SLC25A24: variants seen among roughly 807,000 people sequenced by gnomAD.
SLC25A24 encodes mitochondrial adenyl nucleotide antiporter SLC25A24.
A neutral mutation model predicts 60.7 loss-of-function variants in SLC25A24; 49 were observed. The ratio of observed to expected loss-of-function variants is 0.81; its 90% CI spans 0.64 to 1.02. SLC25A24 has a LOEUF of 1.02. Ranked by LOEUF, SLC25A24 falls within the 50% of genes least tolerant of loss-of-function variation. SLC25A24 has a pLI of 0.00. For synonymous variants in SLC25A24, 202 were observed against 200.6 expected (o/e 1.01, Z -0.06); for missense variants, 564 against 586.3 (o/e 0.96, Z 0.39).
chr1:108,152,376 T>A (rs1441800768), intron 6 of SLC25A24, among the ~76,000 whole-genome samples: 1 of 151,766 alleles, frequency 6.6e-6, no homozygotes, highest in African/African-American at 2.4e-5. Flanking sequence ...ATTTATTTAT[T>A]TTTTTTTTGA....
chr1:108,182,516 GCA>G (rs10545218), intron 2 of SLC25A24, among the ~76,000 whole-genome samples: 66,859 of 151,858 alleles, frequency 0.44, 14,882 homozygotes, highest in Middle Eastern at 0.59. Context: ...TAGAGCTAAA[GCA>G]CAGACTATTC....
chr1:108,156,918 G>A (rs1187099182), intron 5 of SLC25A24, among the ~76,000 whole-genome samples: 1 of 152,138 alleles, frequency 6.6e-6, no homozygotes, highest in African/African-American at 2.4e-5. Context: ...ACTTCACTGG[G>A]CTGCTGCAAG....
rs781269573 is a variant in SLC25A24, at chr1:108,155,051, T to C, written c.754A>G (p.Arg252Gly). The change falls in exon 6 of 10, where the codon AGG (arginine) becomes GGG (glycine). Residue 252 changes from arginine (R) to glycine (G), a missense_variant. By Grantham distance (125) the Arg-to-Gly change is moderately radical (BLOSUM62 -2). Transcript: ENST00000565488. ...VKEGGIRSLW[R>G]GNGTNVIKIA... ...TTGATGACGTTTGTACCATTTCCCC[T>C]CCAAAGCGAGCGGATACCTCCTTCT... is the stretch of plus-strand genomic sequence containing the variant. 2 of 1,612,960 alleles carry C rather than the reference T, an allele frequency of 1.2e-6. No homozygotes were observed. The highest frequency in any genetic ancestry group is 1.7e-6 in the Non-Finnish European group (2 of 1,179,410).
chr1:108,160,115 C>T (rs1209307325), intron 4 of SLC25A24, among the ~76,000 whole-genome samples: 1 of 151,894 alleles, frequency 6.6e-6, no homozygotes, highest in Non-Finnish European at 1.5e-5. Flanking sequence ...CACCTCCCTC[C>T]CGGACAGGGT....
chr1:108,173,334 C>T (rs1018064758), intron 3 of SLC25A24, among the ~76,000 whole-genome samples: 4 of 152,174 alleles, frequency 2.6e-5, no homozygotes, highest in South Asian at 2.1e-4. Context: ...TGAGTTCTCA[C>T]GAGATATGAT....
At chr1:108,160,705 C>T (rs1387387985) in intron 4 of SLC25A24, among the ~76,000 whole-genome samples, 6 of 152,208 alleles carry the variant, frequency 3.9e-5, no homozygotes, top group Admixed American at 2.6e-4. Context: ...CCCAGCACCT[C>T]GGGAGGCCGA....
chr1:108,159,922 T>C (rs11185291), intron 4 of SLC25A24, among the ~76,000 whole-genome samples: 74,681 of 149,010 alleles, frequency 0.5, 19,332 homozygotes, highest in African/African-American at 0.62. Flanking sequence ...ACCTTTCCCC[T>C]TTTTCTATTC....
intron 9 of SLC25A24, among the ~76,000 whole-genome samples, chr1:108,137,569 C>T (rs1347592966): frequency 3.3e-5 from 5 of 152,084 alleles, no homozygotes; most frequent in South Asian, 4.1e-4. Context: ...GAACTGACAC[C>T]GAAAGGCTGC....
intron 2 of SLC25A24, 47 bp from the exon 3 acceptor site, chr1:108,182,075 G>T: frequency 1.7e-6 from 2 of 1,146,956 alleles, no homozygotes; most frequent in Non-Finnish European, 2.6e-6. Context: ...GAACTGGTAA[G>T]AACCACAGAA....
chr1:108,167,373 G>A (rs1680288384), intron 3 of SLC25A24, among the ~76,000 whole-genome samples: 1 of 152,138 alleles, frequency 6.6e-6, no homozygotes, highest in Non-Finnish European at 1.5e-5. Flanking sequence ...GGCAATGGCG[G>A]GTGCCCCTCC....
chr1:108,137,583 G>C (rs1392024235), intron 9 of SLC25A24, among the ~76,000 whole-genome samples: 1 of 152,204 alleles, frequency 6.6e-6, no homozygotes, highest in Non-Finnish European at 1.5e-5. Flanking sequence ...AGGCTGCAAA[G>C]ATGTCTGAAC....
intron 3 of SLC25A24, among the ~76,000 whole-genome samples, chr1:108,174,906 T>C (rs541575987): frequency 3.1e-4 from 47 of 152,330 alleles, no homozygotes; most frequent in African/African-American, 1.0e-3. Flanking sequence ...ACAAGTATAT[T>C]TAATCAATGC....
chr1:108,151,224 G>C (rs1679747441), intron 6 of SLC25A24, among the ~76,000 whole-genome samples: 2 of 150,564 alleles, frequency 1.3e-5, no homozygotes, highest in African/African-American at 4.9e-5. Context: ...CATACAAACA[G>C]AAAAAAAACA....
intron 3 of SLC25A24, among the ~76,000 whole-genome samples, chr1:108,168,550 A>G (rs1349506896): frequency 1.3e-5 from 2 of 152,218 alleles, no homozygotes; most frequent in East Asian, 1.9e-4. Flanking sequence ...AACTTCCTAG[A>G]TAAGATAGTC....
intron 6 of SLC25A24, among the ~76,000 whole-genome samples, chr1:108,154,302 T>C (rs1679830438): frequency 6.6e-6 from 1 of 152,158 alleles, no homozygotes; most frequent in Non-Finnish European, 1.5e-5. Flanking sequence ...AATCTGTGGC[T>C]GCTCAACTAG....
chr1:108,166,175 A>C (rs1571295733), intron 3 of SLC25A24, among the ~76,000 whole-genome samples: 1 of 152,328 alleles, frequency 6.6e-6, no homozygotes, highest in African/African-American at 2.4e-5. Flanking sequence ...TGTTAGTCTG[A>C]TGGGCTTCCA....
intron 4 of SLC25A24, among the ~76,000 whole-genome samples, chr1:108,158,870 G>T (rs1481396512): frequency 1.3e-5 from 2 of 152,080 alleles, no homozygotes; most frequent in Non-Finnish European, 2.9e-5. Context: ...AGGCGCAGTG[G>T]TGGGTGCCTG....
chr1:108,189,905 T>C (rs1210071490), intron 1 of SLC25A24, among the ~76,000 whole-genome samples: 1 of 150,568 alleles, frequency 6.6e-6, no homozygotes, highest in East Asian at 1.9e-4. Flanking sequence ...AGAGAGTATA[T>C]ATAGGGTTCA....
intron 7 of SLC25A24, among the ~76,000 whole-genome samples, chr1:108,144,092 C>T (rs1033325348): frequency 6.6e-6 from 1 of 152,018 alleles, no homozygotes; most frequent in African/African-American, 2.4e-5. Context: ...GAAGGTGATA[C>T]TATTAACTGA....
Sources: gnomAD v4.1 joint callset for allele counts (sites outside exome capture counted in the v4.1 genomes callset) on GRCh38, gnomAD v4.1.1 for gene constraint, MANE v1.5 for transcripts, NCBI Gene and HGNC (gene_info 2026-07-23, HGNC 2026-07-21) for gene names.